The following OR6C74 variants were observed in gnomAD, a reference collection of about 807,000 sequenced individuals.
OR6C74 encodes the protein olfactory receptor family 6 subfamily C member 74, also known as olfactory receptor 6C74.
For synonymous variants in OR6C74, 142 were observed against 134.2 expected (o/e 1.06, Z -0.40); for missense variants, 361 against 362.9 (o/e 0.99, Z 0.04).
Position 55,256,236 on chromosome 12 carries a change from C to T in OR6C74, c.*8010C>T, listed in dbSNP as rs186489237. Among the ~76,000 whole-genome samples, 18 of 152,094 alleles carry T rather than the reference C, an allele frequency of 1.2e-4. No homozygotes were observed. Among genetic ancestry groups the T allele is most frequent in the African/African-American group, 4.1e-4 (17 of 41,524 alleles). On this transcript the variant is annotated 3_prime_UTR_variant, in exon 2 of 2. Coordinates refer to ENST00000343399, the MANE Select transcript of OR6C74 (RefSeq NM_001005490.2). The stretch of plus-strand genomic sequence containing the variant: ...TCATAGCTCTGGGAATGGAATGGGA[C>T]CCTTGTGTAGAGCCTATAAATGGAC...
rs1041608025 is a variant in OR6C74, at chr12:55,255,363, A to T, written c.*7137A>T. 6.6e-6 allele frequency among the ~76,000 whole-genome samples: 1 copy of T among 152,238 alleles called. No individual in the cohort carries two copies. The highest frequency in any genetic ancestry group is 1.9e-4 in the East Asian group (1 of 5,160). ...GTTGGTGGGAGTATAAATTAGTTCAACCATTGTGGAAGACAGTGTGGTGAT... is the reference window on the plus strand; with the variant it reads ...GTTGGTGGGAGTATAAATTAGTTCATCCATTGTGGAAGACAGTGTGGTGAT... On this transcript the variant is annotated 3_prime_UTR_variant, in exon 2 of 2. Transcript: ENST00000343399.
In OR6C74 at chr12:55,247,554, C is replaced by T. The variant is rs776834121; in HGVS notation, c.267C>T (p.Thr89=). The change falls in exon 2 of 2, where the codon ACC becomes ACT. Residue 89 remains threonine, a synonymous_variant. Coordinates refer to ENST00000343399, the MANE Select transcript of OR6C74 (RefSeq NM_001005490.2). ...TTAGTATGGCAACAGGTGATAAGAC[C>T]ATTTCTTACAACGATTGTGCAGCAC... The part of the protein sequence containing the change: ...FLVSMATGDK[T]ISYNDCAAQL... 19 of 1,613,062 alleles carry T rather than the reference C, an allele frequency of 1.2e-5. No individual in the cohort carries two copies. Among genetic ancestry groups the T allele is most frequent in the Middle Eastern group, 1.6e-4 (1 of 6,076 alleles).
In OR6C74 at chr12:55,256,551, T is replaced by A. The variant is rs913396936; in HGVS notation, c.*8325T>A. Among the ~76,000 whole-genome samples the A allele has an allele frequency of 1.3e-5, 2 of 152,128 alleles. No homozygotes were observed. Among genetic ancestry groups the A allele is most frequent in the Non-Finnish European group, 2.9e-5 (2 of 67,986 alleles). On this transcript the variant is annotated 3_prime_UTR_variant, in exon 2 of 2. Coordinates refer to ENST00000343399, the MANE Select transcript of OR6C74 (RefSeq NM_001005490.2). The stretch of plus-strand genomic sequence containing the variant: ...ATGCACACACTATATTGTAAACTCT[T>A]ATCTCTGTATACTGTACTTCTGCAT...
rs967960039 is a variant in OR6C74 at position 55,254,266 on chromosome 12, C to T, written c.*6040C>T. 6.6e-6 allele frequency among the ~76,000 whole-genome samples: 1 copy of T among 152,040 alleles called. No homozygotes were observed. The highest frequency in any genetic ancestry group is 1.5e-5 in the Non-Finnish European group (1 of 67,964). On this transcript the variant is annotated 3_prime_UTR_variant, in exon 2 of 2. Transcript: ENST00000343399. ...TAATATCTTGCCAAAAGATTTTCCT[C>T]TGGGTATTCTCCAGTTACATAGCTA... is the stretch of plus-strand genomic sequence containing the variant.
Position 55,249,062 on chromosome 12 carries a change from C to G in OR6C74, c.*836C>G, listed in dbSNP as rs143195842. On this transcript the variant is annotated 3_prime_UTR_variant, in exon 2 of 2. Transcript: ENST00000343399. ...CACCGCTTACACATTTTTAGCAAAA[C>G]GAAGTGAAAATCTCTCTCTGCTCTT... is the stretch of plus-strand genomic sequence containing the variant. Among the ~76,000 whole-genome samples, 2 of 152,032 alleles carry G rather than the reference C, an allele frequency of 1.3e-5. No homozygotes were observed. The highest frequency in any genetic ancestry group is 2.4e-5 in the African/African-American group (1 of 41,404).
chr12:55,246,540 C>G (rs1954271139), intron 1 of OR6C74, among the ~76,000 whole-genome samples: 1 of 152,040 alleles, frequency 6.6e-6, no homozygotes, highest in Non-Finnish European at 1.5e-5. Flanking sequence ...TTTTGTAGGA[C>G]CCTCCTCTGT....
chr12:55,254,063 A>G lies in OR6C74; in HGVS notation c.*5837A>G, dbSNP rs1227335441. Among the ~76,000 whole-genome samples the G allele has an allele frequency of 6.6e-6, 1 of 152,092 alleles. No individual in the cohort carries two copies. Among genetic ancestry groups the G allele is most frequent in the East Asian group, 1.9e-4 (1 of 5,180 alleles). On this transcript the variant is annotated 3_prime_UTR_variant, in exon 2 of 2. Coordinates refer to ENST00000343399, the MANE Select transcript of OR6C74 (RefSeq NM_001005490.2). Reference sequence around the variant, plus strand: ...CTTCGGCCATACTGACCAATAAGTAACCACACTGAATATGCTCATATCAGT... The same window carrying G: ...CTTCGGCCATACTGACCAATAAGTAGCCACACTGAATATGCTCATATCAGT...
chr12:55,247,139 TAA>T, intron 1 of OR6C74, 138 bp from the exon 2 acceptor site: 1 of 503,256 alleles, frequency 2.0e-6, no homozygotes, highest in Admixed American at 3.7e-5. Flanking sequence ...AAAAATCACA[TAA>T]GTTAATTTTT....
intron 1 of OR6C74, among the ~76,000 whole-genome samples, chr12:55,245,046 A>T (rs555372118): frequency 3.3e-4 from 50 of 152,216 alleles, no homozygotes; most frequent in African/African-American, 1.2e-3. Flanking sequence ...TATTTTAATC[A>T]TACTAACTTT....
In OR6C74 at chr12:55,248,180, T is replaced by C. The variant is rs758577471; in HGVS notation, c.893T>C (p.Val298Ala). The change falls in exon 2 of 2, where the codon GTT becomes GCT. Residue 298 changes from valine to alanine, a missense_variant. By Grantham distance (64) the Val-to-Ala change is moderately conservative. Transcript: ENST00000343399. The part of the protein sequence containing the change: ...YTLRNKQVKD[V>A]FKHTVKKIEL... ...CTGAGAAACAAACAAGTAAAAGATG[T>C]TTTTAAGCACACAGTCAAAAAGATT... is the stretch of plus-strand genomic sequence containing the variant. The C allele has an allele frequency of 3.7e-6, 6 of 1,612,902 alleles. No individual in the cohort carries two copies. The East Asian group carries it at 1.3e-4, about 36-fold the overall frequency.
chr12:55,252,344 A>G lies in OR6C74; in HGVS notation c.*4118A>G, dbSNP rs923981697. On this transcript the variant is annotated 3_prime_UTR_variant, in exon 2 of 2. Coordinates refer to ENST00000343399, the MANE Select transcript of OR6C74 (RefSeq NM_001005490.2). ...TGTAGTGCAAAGTTAATGCTTCACA[A>G]TAATGTGGATCCATTTTAAATGAAC... is the stretch of plus-strand genomic sequence containing the variant. Among the ~76,000 whole-genome samples, 1 of 151,726 alleles carries G rather than the reference A, an allele frequency of 6.6e-6. No homozygotes were observed.
In OR6C74 at chr12:55,248,920, G is replaced by GGTATTTATA. The variant is rs1338492459; in HGVS notation, c.*695_*703dup. On this transcript the variant is annotated 3_prime_UTR_variant, in exon 2 of 2. Transcript: ENST00000343399. Reference sequence around the variant, plus strand: ...TCCATCTTCAAAACTCTGTAAGACAGGTATTTATATGCTCCATTTATGGAT... The same window carrying GGTATTTATA: ...TCCATCTTCAAAACTCTGTAAGACAGGTATTTATAGTATTTATATGCTCCATTTATGGAT... 1.3e-5 allele frequency among the ~76,000 whole-genome samples: 2 copies of GGTATTTATA among 152,048 alleles called. No individual in the cohort carries two copies. The highest frequency in any genetic ancestry group is 6.6e-5 in the Admixed American group (1 of 15,260).
chr12:55,247,291 A>G lies in OR6C74; in HGVS notation c.4A>G (p.Arg2Gly), dbSNP rs7301705. Reference protein sequence around the residue: MRNHTTVANFIL... With the variant: MGNHTTVANFIL... ...TTTTTAAAAATAGAAATCAACTATG[A>G]GAAACCATACAACAGTAGCAAACTT... The change falls in exon 2 of 2, where the codon AGA becomes GGA. Residue 2 changes from arginine (R) to glycine (G), a missense_variant. Arg to Gly is a moderately radical substitution (Grantham distance 125, BLOSUM62 -2). Transcript: ENST00000343399. The G allele has an allele frequency of 0.28, 441,694 of 1,552,808 alleles. 66,115 individuals carry two copies. Among genetic ancestry groups the G allele is most frequent in the Middle Eastern group, 0.38 (2,245 of 5,856 alleles).
rs989172290 is a variant in OR6C74, at chr12:55,248,495, A to G, written c.*269A>G. On this transcript the variant is annotated 3_prime_UTR_variant, in exon 2 of 2. Transcript: ENST00000343399. The stretch of plus-strand genomic sequence containing the variant: ...TTATTTCCTCTCAAAATTCTCTCAG[A>G]GGAAGACAAAGTGAGACTTCAGTTT... 5.3e-5 allele frequency among the ~76,000 whole-genome samples: 8 copies of G among 152,276 alleles called. No individual in the cohort carries two copies. The highest frequency in any genetic ancestry group is 1.9e-4 in the African/African-American group (8 of 41,556).
rs373529789 is a variant in OR6C74 at position 55,256,344 on chromosome 12, G to C, written c.*8118G>C. On this transcript the variant is annotated 3_prime_UTR_variant, in exon 2 of 2. Coordinates refer to ENST00000343399, the MANE Select transcript of OR6C74 (RefSeq NM_001005490.2). Reference sequence around the variant, plus strand: ...GCCACAGCTCTTCTAGGCCTCTTTGGGGGTAAGGCATACTCCCTTCTGATA... The same window carrying C: ...GCCACAGCTCTTCTAGGCCTCTTTGCGGGTAAGGCATACTCCCTTCTGATA... Among the ~76,000 whole-genome samples, 24 of 151,948 alleles carry C rather than the reference G, an allele frequency of 1.6e-4. No individual in the cohort carries two copies. Among genetic ancestry groups the C allele is most frequent in the Non-Finnish European group, 3.1e-4 (21 of 67,958 alleles).
At chr12:55,245,160 C>A (rs73322873) in intron 1 of OR6C74, among the ~76,000 whole-genome samples, 5 of 151,924 alleles carry the variant, frequency 3.3e-5, no homozygotes, top group Admixed American at 6.6e-5. Flanking sequence ...TTTTACAAAG[C>A]AAACATTAAG....
rs773009352 is a variant in OR6C74, at chr12:55,247,820, A to C, written c.533A>C (p.Asp178Ala). The change falls in exon 2 of 2, where the codon GAT becomes GCT. Residue 178 changes from aspartate to alanine, a missense_variant. Physicochemically the swap from Asp to Ala is moderately radical, Grantham distance 126 (BLOSUM62 -2). Transcript: ENST00000343399. ...AACACTGTAGATCATTTCTTCTGTG[A>C]TGTTTCTCCTATACTGCAGCTCTCT... ...AANTVDHFFC[D>A]VSPILQLSCT... The C allele has an allele frequency of 3.1e-6, 5 of 1,613,844 alleles. No individual in the cohort carries two copies. In the East Asian group the frequency reaches 1.1e-4, roughly 36 times the overall value.
In OR6C74 at chr12:55,251,049, C is replaced by T. The variant is rs1484555939; in HGVS notation, c.*2823C>T. Among the ~76,000 whole-genome samples, 1 of 152,096 alleles carries T rather than the reference C, an allele frequency of 6.6e-6. No individual in the cohort carries two copies. Among genetic ancestry groups the T allele is most frequent in the East Asian group, 1.9e-4 (1 of 5,188 alleles). On this transcript the variant is annotated 3_prime_UTR_variant, in exon 2 of 2. Coordinates refer to ENST00000343399, the MANE Select transcript of OR6C74 (RefSeq NM_001005490.2). ...TACATTATTGATGGTTCTCCGTTGC[C>T]TGCAAAATAATGACAAAATTCCCCA...
chr12:55,247,031 C>T (rs1239373070), intron 1 of OR6C74, among the ~76,000 whole-genome samples: 2 of 151,918 alleles, frequency 1.3e-5, no homozygotes, highest in East Asian at 1.9e-4. Context: ...TGACTTTTAT[C>T]GATGCAACAT....
Sources: gnomAD v4.1 joint callset for allele counts (sites outside exome capture counted in the v4.1 genomes callset) on GRCh38, gnomAD v4.1.1 for gene constraint, MANE v1.5 for transcripts, NCBI Gene and HGNC (gene_info 2026-07-23, HGNC 2026-07-21) for gene names.